Variants in FXYD6 observed in about 807,000 individuals in gnomAD.
FXYD6 encodes FXYD domain-containing ion transport regulator 6.
A neutral mutation model predicts 16.7 loss-of-function variants in FXYD6; 7 were observed. The observed-to-expected ratio is 0.42, with a 90% CI of 0.24 to 0.79. FXYD6 has a LOEUF of 0.79. Among genes scored for constraint, FXYD6 ranks in the 30% least tolerant of loss-of-function variants. The pLI is 0.28. For synonymous variants in FXYD6, 49 were observed against 43.0 expected (o/e 1.14, Z -0.54); for missense variants, 111 against 116.2 (o/e 0.95, Z 0.21).
Position 117,870,495 on chromosome 11 carries a change from G to A in FXYD6, c.-6+6097C>T, listed in dbSNP as rs908513539. On this transcript the variant is annotated intron_variant, in intron 1 of 7. Coordinates refer to ENST00000526014, the MANE Select transcript of FXYD6 (RefSeq NM_022003.4). The surrounding 1 kb of genome is among the most constrained non-coding windows in gnomAD (Gnocchi z 4.2). ...CCAGGAACCCAGAAGCCAGGCCCAC[G>A]CCACCCTGCCCACAGCCAGGCCACA... Among the ~76,000 whole-genome samples, 2 of 152,156 alleles carry A rather than the reference G, an allele frequency of 1.3e-5. No homozygotes were observed. The highest frequency in any genetic ancestry group is 6.5e-5 in the Admixed American group (1 of 15,284).
chr11:117,837,909 C>T lies in FXYD6; in HGVS notation c.*390G>A, dbSNP rs571637164. ...AGGAGCAGAAGGTGATGGAGGGCCA[C>T]GGGGGCAGGGAGGAGCAGATGGCCA... On this transcript the variant is annotated 3_prime_UTR_variant, in exon 8 of 8. Transcript: ENST00000526014. The surrounding 1 kb of genome is among the most constrained non-coding windows in gnomAD (Gnocchi z 4.4). The T allele has an allele frequency of 3.3e-4, 130 of 394,824 alleles. No homozygotes were observed. Among genetic ancestry groups the T allele is most frequent in the Non-Finnish European group, 5.4e-4 (117 of 215,150 alleles). 24.5% of individuals were successfully genotyped at this position (394,824 alleles called of 1,614,324 possible).
chr11:117,850,888 T>C (rs2056595984), intron 1 of FXYD6, among the ~76,000 whole-genome samples: 1 of 152,188 alleles, frequency 6.6e-6, no homozygotes, highest in Non-Finnish European at 1.5e-5. Flanking sequence ...TTGTAATTTT[T>C]CCATGTGTAT....
At chr11:117,846,582 G>A (rs6589624) in intron 1 of FXYD6, among the ~76,000 whole-genome samples, 139,112 of 152,232 alleles carry the variant, frequency 0.91, 63,658 homozygotes, top group East Asian at 1. Context: ...ACTTTTTCCC[G>A]TAATGATAAC....
chr11:117,848,268 T>C (rs2056519998), intron 1 of FXYD6, among the ~76,000 whole-genome samples: 1 of 152,226 alleles, frequency 6.6e-6, no homozygotes, highest in African/African-American at 2.4e-5. Flanking sequence ...CCAAGCTGTT[T>C]CTGTTTTATG....
intron 1 of FXYD6, among the ~76,000 whole-genome samples, chr11:117,871,207 A>G (rs1391230496): frequency 1.3e-5 from 2 of 152,142 alleles, no homozygotes; most frequent in Non-Finnish European, 2.9e-5. Context: ...ACTCTACCAA[A>G]GCAAGTGGGA....
chr11:117,862,887 G>T (rs1417639899), intron 1 of FXYD6, among the ~76,000 whole-genome samples: 2 of 152,166 alleles, frequency 1.3e-5, no homozygotes, highest in Non-Finnish European at 2.9e-5. Flanking sequence ...AAGAGAAAGG[G>T]GAGCTGCTGT....
At position 117,839,847 on chromosome 11, in the gene FXYD6, A is replaced by T. The variant is rs2056296997; in HGVS notation, c.260-17T>A. 1 of 1,614,098 alleles carries T rather than the reference A, an allele frequency of 6.2e-7. No homozygotes were observed. The highest frequency in any genetic ancestry group is 2.2e-5 in the East Asian group (1 of 44,886). On this transcript the variant is annotated splice_polypyrimidine_tract_variant and intron_variant, in intron 6 of 7. Coordinates refer to ENST00000526014, the MANE Select transcript of FXYD6 (RefSeq NM_022003.4). ...GCTCTGTTGCTGGAAAGAAAACCAG[A>T]ATGGATTATAGTGTATAGACTCCTC...
At chr11:117,873,217 C>G (rs1301263035) in intron 1 of FXYD6, among the ~76,000 whole-genome samples, 1 of 152,208 alleles carries the variant, frequency 6.6e-6, no homozygotes, top group Non-Finnish European at 1.5e-5. Flanking sequence ...CCAGCCCCTT[C>G]CTGCTCAGCT....
rs963765342 is a variant in FXYD6, at chr11:117,838,066, C to T, written c.*233G>A. Reference sequence around the variant, plus strand: ...TCACACACACACACACACACACACACATCACGGGAGGTGGGCAGGACCGCA... The same window carrying T: ...TCACACACACACACACACACACACATATCACGGGAGGTGGGCAGGACCGCA... On this transcript the variant is annotated 3_prime_UTR_variant, in exon 8 of 8. Coordinates refer to ENST00000526014, the MANE Select transcript of FXYD6 (RefSeq NM_022003.4). 7.6e-6 allele frequency: 5 copies of T among 656,690 alleles called. No homozygotes were observed. The highest frequency in any genetic ancestry group is 7.3e-5 in the African/African-American group (4 of 55,054). 40.7% of individuals were successfully genotyped at this position (656,690 alleles called of 1,614,324 possible).
At chr11:117,843,496 T>C (rs2056405189) in intron 1 of FXYD6, among the ~76,000 whole-genome samples, 1 of 152,186 alleles carries the variant, frequency 6.6e-6, no homozygotes, top group Admixed American at 6.5e-5. Flanking sequence ...CCCTAGTTCA[T>C]TCTGACAGCC....
Position 117,837,006 on chromosome 11 carries a change from T to TG in FXYD6, c.*1292_*1293insC, listed in dbSNP as rs1408218710. ...TAGGAAACAAAGGATATTTTATTCC[T>TG]TTTTTCTGTTGTTGTTGAGGATAGA... On this transcript the variant is annotated 3_prime_UTR_variant, in exon 8 of 8. Transcript: ENST00000526014. This position sits in a 1 kb window ranked among gnomAD's most constrained non-coding sequence, Gnocchi z 4.4. The TG allele has an allele frequency of 6.6e-6, 1 of 152,222 alleles. No homozygotes were observed. The allele number at this position is 152,222 out of a possible 1,614,324, so 9.4% of individuals were successfully genotyped here. A position where few individuals can be genotyped will look rare whatever the true frequency, so the allele number is the denominator to read the frequency against.
At chr11:117,860,520 CT>C (rs1386781645) in intron 1 of FXYD6, among the ~76,000 whole-genome samples, 4 of 152,252 alleles carry the variant, frequency 2.6e-5, no homozygotes, top group African/African-American at 7.2e-5. Flanking sequence ...CAGCTCACCC[CT>C]GAGAAAGCAT....
At chr11:117,866,576 T>G (rs1350445861) in intron 1 of FXYD6, among the ~76,000 whole-genome samples, 1 of 151,996 alleles carries the variant, frequency 6.6e-6, no homozygotes, top group African/African-American at 2.4e-5. Context: ...ATAGGAGAGG[T>G]TGTGGCATGT....
At chr11:117,840,507 T>A (rs1487883680) in intron 5 of FXYD6, 139 bp from the exon 6 acceptor site, 1 of 1,122,472 alleles carries the variant, frequency 8.9e-7, no homozygotes, top group Non-Finnish European at 1.3e-6. Flanking sequence ...CTCACTCTGC[T>A]GTGGGATGCA....
Position 117,870,171 on chromosome 11 carries a change from G to A in FXYD6, c.-6+6421C>T, listed in dbSNP as rs931313030. ...GCCAACTCAGGCACAGGCCAATGCC[G>A]CGCCTTGCCCAGAGGGAGTCAGAGT... On this transcript the variant is annotated intron_variant, in intron 1 of 7. Transcript: ENST00000526014. This position sits in a 1 kb window ranked among gnomAD's most constrained non-coding sequence, Gnocchi z 4.2. 7.2e-5 allele frequency among the ~76,000 whole-genome samples: 11 copies of A among 152,268 alleles called. No homozygotes were observed. The highest frequency in any genetic ancestry group is 1.3e-4 in the Admixed American group (2 of 15,288).
chr11:117,855,352 G>C (rs565011643), intron 1 of FXYD6, among the ~76,000 whole-genome samples: 1 of 152,268 alleles, frequency 6.6e-6, no homozygotes, highest in East Asian at 1.9e-4. Context: ...GAGCGGGGAG[G>C]AGGGGGGCCT....
intron 7 of FXYD6, chr11:117,838,571 TG>T: frequency 2.6e-6 from 1 of 390,914 alleles, no homozygotes; most frequent in Non-Finnish European, 4.6e-6. Flanking sequence ...AGAACTAGTT[TG>T]GGAAAAAAAA....
intron 1 of FXYD6, among the ~76,000 whole-genome samples, chr11:117,843,215 G>A (rs986443805): frequency 1.3e-5 from 2 of 152,182 alleles, no homozygotes; most frequent in Admixed American, 6.5e-5. Context: ...GATTATAGGC[G>A]TGAGCCACCA....
upstream of FXYD6, chr11:117,876,764 G>A (rs949168952): frequency 6.7e-6 from 1 of 149,600 alleles, no homozygotes; most frequent in Non-Finnish European, 1.5e-5. Context: ...GCGGGGGGGG[G>A]GCTCGCTCGG....
Sources: allele counts gnomAD v4.1 joint callset (sites outside exome capture counted in the v4.1 genomes callset), GRCh38; gene constraint gnomAD v4.1.1; non-coding constraint Gnocchi (gnomAD v3.1); transcripts MANE v1.5; gene names NCBI Gene and HGNC (gene_info 2026-07-23, HGNC 2026-07-21).